Variants in TMEM68 observed in about 807,000 individuals in gnomAD.
TMEM68 encodes transmembrane protein 68.
Under a neutral mutation model 36.9 loss-of-function variants are expected in TMEM68, and 25 were observed. The ratio of observed to expected loss-of-function variants is 0.68; its 90% CI spans 0.49 to 0.95. The LOEUF is 0.95. Among genes scored for constraint, TMEM68 ranks in the 40% least tolerant of loss-of-function variants. The probability of loss-of-function intolerance (pLI) is 0.00; values close to 1 mark genes in which losing one functional copy is unlikely to be tolerated. For missense variants in TMEM68, 333 were observed against 392.0 expected, an observed-to-expected ratio of 0.85 and a Z score of 1.27; for synonymous variants, 131 against 124.4, an observed-to-expected ratio of 1.05 and a Z score of -0.35.
rs935808288 is a variant in TMEM68 at position 55,750,895 on chromosome 8, C to T, written c.687+69G>A. ...GTGTCTAAGTTCTTATACAATTTGG[C>T]TCATTACTTAACCATTTATTTTAAA... On this transcript the variant is annotated intron_variant, in intron 5 of 7. Transcript: ENST00000434581. The T allele has an allele frequency of 1.3e-5, 20 of 1,484,594 alleles. No homozygotes were observed. The East Asian group carries it at 4.4e-4, about 33-fold the overall frequency. 92.0% of individuals were successfully genotyped at this position (1,484,594 alleles called of 1,614,324 possible). A position where few individuals can be genotyped will look rare whatever the true frequency, so the allele number is the denominator to read the frequency against.
chr8:55,745,164 T>C (rs745968882), intron 5 of TMEM68, 43 bp from the exon 6 acceptor site: 87 of 1,326,214 alleles, frequency 6.6e-5, no homozygotes, highest in Middle Eastern at 3.7e-4. Flanking sequence ...AATAAATTAA[T>C]CCATTCAATG....
intron 5 of TMEM68, 131 bp from the exon 6 acceptor site, chr8:55,745,252 A>C: frequency 2.2e-6 from 1 of 462,910 alleles, no homozygotes; most frequent in Non-Finnish European, 3.7e-6. Flanking sequence ...CACCCTGAAC[A>C]TGCCCAATCT....
intron 6 of TMEM68, among the ~76,000 whole-genome samples, chr8:55,744,524 G>A (rs955562325): frequency 6.6e-6 from 1 of 151,526 alleles, no homozygotes; most frequent in African/African-American, 2.4e-5. Context: ...AGCCAGGATG[G>A]TCTCAATCTC....
chr8:55,752,706 TA>T (rs1465838862), intron 4 of TMEM68, among the ~76,000 whole-genome samples: 1 of 147,634 alleles, frequency 6.8e-6, no homozygotes, highest in Non-Finnish European at 1.5e-5. Context: ...CATAATAGGA[TA>T]AAATATAGGA....
At chr8:55,745,307 G>C (rs1810238373) in intron 5 of TMEM68, 186 bp from the exon 6 acceptor site, 1 of 346,742 alleles carries the variant, frequency 2.9e-6, no homozygotes, top group Admixed American at 4.8e-5. Context: ...CGTTAGTATT[G>C]GCATGGGAGA....
chr8:55,769,956 C>T (rs1000990714), intron 1 of TMEM68, among the ~76,000 whole-genome samples: 1 of 152,090 alleles, frequency 6.6e-6, no homozygotes, highest in Non-Finnish European at 1.5e-5. Flanking sequence ...TAACAGAAAT[C>T]TGGATCAAAA....
Position 55,739,709 on chromosome 8 carries a change from G to T in TMEM68, c.*423C>A, listed in dbSNP as rs1016402122. 1.9e-5 allele frequency: 3 copies of T among 154,440 alleles called. No individual in the cohort carries two copies. The highest frequency in any genetic ancestry group is 6.5e-5 in the Admixed American group (1 of 15,354). The allele number at this position is 154,440 out of a possible 1,614,324, so 9.6% of individuals were successfully genotyped here. ...TGCCCAAGGTCATGAAGGGAATGAG[G>T]GGCAGACAACAGCATGTTTTTTCTA... is the stretch of plus-strand genomic sequence containing the variant. On this transcript the variant is annotated 3_prime_UTR_variant, in exon 8 of 8. Coordinates refer to ENST00000434581, the MANE Select transcript of TMEM68 (RefSeq NM_001286657.2).
intron 6 of TMEM68, among the ~76,000 whole-genome samples, chr8:55,744,448 G>A (rs1291654282): frequency 1.3e-5 from 2 of 149,840 alleles, no homozygotes; most frequent in East Asian, 4.0e-4. Context: ...TGGGACTATA[G>A]GTGCCCGCCA....
chr8:55,754,750 T>C (rs1272212095), intron 4 of TMEM68, among the ~76,000 whole-genome samples: 2 of 120,850 alleles, frequency 1.7e-5, no homozygotes, highest in African/African-American at 6.3e-5. Context: ...ATATATATTA[T>C]ATATAAAATA....
chr8:55,747,875 T>G (rs1338544928), intron 5 of TMEM68: 1 of 152,214 alleles, frequency 6.6e-6, no homozygotes, highest in African/African-American at 2.4e-5. Flanking sequence ...GCATATACCA[T>G]TTGCCACTTC....
In TMEM68 at chr8:55,743,526, G is replaced by A. The variant is rs1231813237; in HGVS notation, c.843C>T (p.Pro281=). Residue 281 remains proline, a synonymous_variant, in exon 7 of 8, where the codon CCC becomes CCT. Coordinates refer to ENST00000434581, the MANE Select transcript of TMEM68 (RefSeq NM_001286657.2). The part of the protein sequence containing the change: ...PVKLRTYLGD[P]IPYDPQITAE... ...CTGTTATCTGTGGGTCATACGGAAT[G>A]GGGTCGCCTAAATAGGTCCGTAACT... 6.5e-7 allele frequency: 1 copy of A among 1,535,764 alleles called. No individual in the cohort carries two copies. The highest frequency in any genetic ancestry group is 1.4e-5 in the African/African-American group (1 of 73,040).
At chr8:55,754,576 T>TAC (rs1810521197) in intron 4 of TMEM68, among the ~76,000 whole-genome samples, 2 of 137,676 alleles carry the variant, frequency 1.5e-5, no homozygotes, top group Non-Finnish European at 3.0e-5. Context: ...ATATTTATAT[T>TAC]ATATAAAATA....
chr8:55,745,133 G>A lies in TMEM68; in HGVS notation c.688-12C>T. The A allele has an allele frequency of 6.9e-7, 1 of 1,451,284 alleles. No homozygotes were observed. The highest frequency in any genetic ancestry group is 9.1e-7 in the Non-Finnish European group (1 of 1,095,648). 89.9% of individuals were successfully genotyped at this position (1,451,284 alleles called of 1,614,324 possible). On this transcript the variant is annotated splice_polypyrimidine_tract_variant and intron_variant, in intron 5 of 7. Transcript: ENST00000434581. The stretch of plus-strand genomic sequence containing the variant: ...ATAGGAATAATGGGCTAAAGAAAAG[G>A]AGAATTTGAATTAAAAAGTAAATAA...
chr8:55,745,419 AT>A (rs1490573685), intron 5 of TMEM68: 1 of 171,644 alleles, frequency 5.8e-6, no homozygotes, highest in Non-Finnish European at 1.2e-5. Context: ...AAAATAAAAT[AT>A]TTTTAAAATA....
chr8:55,771,085 C>T (rs984287187), intron 1 of TMEM68, among the ~76,000 whole-genome samples: 3 of 150,402 alleles, frequency 2.0e-5, no homozygotes, highest in Admixed American at 6.6e-5. Context: ...ACCCAGGAGG[C>T]GGAAGTTGCG....
At chr8:55,745,912 T>C (rs963293410) in intron 5 of TMEM68, 4 of 152,154 alleles carry the variant, frequency 2.6e-5, no homozygotes, top group Non-Finnish European at 4.4e-5. Flanking sequence ...CAAGATGCTG[T>C]CGTGGAATTG....
At chr8:55,747,250 T>C (rs1810307477) in intron 5 of TMEM68, 1 of 152,200 alleles carries the variant, frequency 6.6e-6, no homozygotes, top group Admixed American at 6.6e-5. Flanking sequence ...GTAACCCACC[T>C]ACTCGGGAGG....
chr8:55,757,830 G>T (rs1207446424), intron 3 of TMEM68, among the ~76,000 whole-genome samples: 1 of 152,064 alleles, frequency 6.6e-6, no homozygotes, highest in African/African-American at 2.4e-5. Flanking sequence ...CTACCACGGG[G>T]GCAGTGGCAG....
chr8:55,756,149 T>C, intron 4 of TMEM68, 95 bp downstream of exon 4: 3 of 1,117,892 alleles, frequency 2.7e-6, no homozygotes, highest in Non-Finnish European at 3.7e-6. Context: ...AAAAGCTTTT[T>C]CAAATGACGT....
Sources: gnomAD v4.1 joint callset for allele counts (sites outside exome capture counted in the v4.1 genomes callset) on GRCh38, gnomAD v4.1.1 for gene constraint, MANE v1.5 for transcripts, NCBI Gene and HGNC (gene_info 2026-07-23, HGNC 2026-07-21) for gene names.